The following NBEAL1 variants were observed in gnomAD, a reference collection of about 807,000 sequenced individuals.
NBEAL1 encodes the protein neurobeachin like 1.
Under a neutral mutation model 351.3 loss-of-function variants are expected in NBEAL1, and 273 were observed. The observed-to-expected ratio is 0.78, with a 90% CI of 0.70 to 0.86. NBEAL1 has a LOEUF of 0.86. Ranked by LOEUF, NBEAL1 falls within the 40% of genes least tolerant of loss-of-function variation. The pLI, the probability that NBEAL1 is intolerant of heterozygous loss-of-function variation, is 0.00. For missense variants in NBEAL1, 2,961 were observed against 3,201.3 expected (o/e 0.92, Z 1.81); for synonymous variants, 1,050 against 1,086.4 (o/e 0.97, Z 0.66).
intron 2 of NBEAL1, among the ~76,000 whole-genome samples, chr2:203,026,631 C>T (rs1376019306): frequency 6.6e-6 from 1 of 151,896 alleles, no homozygotes; most frequent in South Asian, 2.1e-4. Flanking sequence ...TCTCCTGCCT[C>T]AGCCTCTCAA....
rs77855827 is a variant in NBEAL1, at chr2:203,178,018, C to CA, written c.6465-2352dup. Among the ~76,000 whole-genome samples, 1,410 of 142,386 alleles carry CA rather than the reference C, an allele frequency of 9.9e-3. 9 individuals carry two copies. The highest frequency in any genetic ancestry group is 0.034 in the African/African-American group (1,286 of 38,222). The allele number at this position is 142,386 out of a possible 152,430, so 93.4% of individuals were successfully genotyped here. A position where few individuals can be genotyped will look rare whatever the true frequency, so the allele number is the denominator to read the frequency against. ...TGGGCGACAGAGCAATACTCCATCT[C>CA]AAAAAAAAAAAATAAAAAAGTTAAA... is the stretch of plus-strand genomic sequence containing the variant. On this transcript the variant is annotated intron_variant, in intron 42 of 55. Coordinates refer to ENST00000683969, the MANE Select transcript of NBEAL1 (RefSeq NM_001378026.1).
chr2:203,165,063 G>A (rs537768390), intron 36 of NBEAL1, among the ~76,000 whole-genome samples: 7 of 152,098 alleles, frequency 4.6e-5, no homozygotes, highest in African/African-American at 1.7e-4. Flanking sequence ...GTTTCTCCAC[G>A]TTGGTCAGGC....
At chr2:203,018,741 T>G (rs111945550) in intron 2 of NBEAL1, among the ~76,000 whole-genome samples, 3 of 152,168 alleles carry the variant, frequency 2.0e-5, no homozygotes, top group Non-Finnish European at 2.9e-5. Flanking sequence ...CAGCTCATGT[T>G]CAGTCACAGT....
intron 31 of NBEAL1, among the ~76,000 whole-genome samples, chr2:203,140,277 T>A (rs1356451919): frequency 1.4e-5 from 2 of 148,100 alleles, no homozygotes; most frequent in East Asian, 3.9e-4. Context: ...CACTCCAGCC[T>A]GGGCAACAAG....
chr2:203,058,391 G>T (rs551607988), intron 6 of NBEAL1, among the ~76,000 whole-genome samples: 1 of 152,274 alleles, frequency 6.6e-6, no homozygotes, highest in East Asian at 1.9e-4. Flanking sequence ...AAATATTAGA[G>T]AATTGACAAA....
Position 203,136,233 on chromosome 2 carries a change from C to T in NBEAL1, c.4370C>T (p.Ser1457Phe). ...TNDMGFSDDFSLLESQERCEE... is the reference protein window; with the variant it reads ...TNDMGFSDDFFLLESQERCEE... ...GATATGGGCTTTAGTGATGACTTCT[C>T]TTTACTTGAAAGCCAAGAGGTAAAA... Residue 1457 changes from serine (S) to phenylalanine (F), a missense_variant, in exon 28 of 56, where the codon TCT becomes TTT. Coordinates refer to ENST00000683969, the MANE Select transcript of NBEAL1 (RefSeq NM_001378026.1). 1 of 1,574,704 alleles carries T rather than the reference C, an allele frequency of 6.4e-7. No individual in the cohort carries two copies. Among genetic ancestry groups the T allele is most frequent in the East Asian group, 2.2e-5 (1 of 44,594 alleles).
Position 203,220,374 on chromosome 2 carries a change from C to T in NBEAL1, c.*3020C>T, listed in dbSNP as rs1295956436. 6.6e-6 allele frequency among the ~76,000 whole-genome samples: 1 copy of T among 151,986 alleles called. No individual in the cohort carries two copies. Among genetic ancestry groups the T allele is most frequent in the East Asian group, 1.9e-4 (1 of 5,178 alleles). ...TGGCAGGTGCCTGTAGTCCCAGCTA[C>T]TCAGGAGGCTGAGGCAGGAGAATCG... On this transcript the variant is annotated 3_prime_UTR_variant, in exon 56 of 56. Transcript: ENST00000683969.
chr2:203,190,212 A>G (rs552970581), intron 45 of NBEAL1, 80 bp from the exon 46 acceptor site: 2 of 781,858 alleles, frequency 2.6e-6, no homozygotes, highest in South Asian at 3.2e-5. Flanking sequence ...ACACACACCA[A>G]TGAGCCTGAT....
chr2:203,221,950 A>G lies in NBEAL1; in HGVS notation c.*4596A>G, dbSNP rs551372989. 5.3e-5 allele frequency among the ~76,000 whole-genome samples: 8 copies of G among 152,260 alleles called. No homozygotes were observed. The highest frequency in any genetic ancestry group is 1.0e-4 in the Non-Finnish European group (7 of 68,014). ...ATGCCTATAATCTCAGCACTTTAGG[A>G]GGCTGAGGCAGGAGGATCACTGGAG... is the stretch of plus-strand genomic sequence containing the variant. On this transcript the variant is annotated 3_prime_UTR_variant, in exon 56 of 56. Transcript: ENST00000683969.
At chr2:203,147,126 A>G (rs2063532931) in intron 33 of NBEAL1, among the ~76,000 whole-genome samples, 1 of 152,150 alleles carries the variant, frequency 6.6e-6, no homozygotes, top group Admixed American at 6.5e-5. Context: ...ATTCATTCTC[A>G]CCACTGTTAG....
At chr2:203,101,153 C>G (rs1346147515) in intron 12 of NBEAL1, among the ~76,000 whole-genome samples, 2 of 151,724 alleles carry the variant, frequency 1.3e-5, no homozygotes, top group Non-Finnish European at 3.0e-5. Context: ...ACATTTAAGT[C>G]TAATCCATCT....
intron 38 of NBEAL1, 99 bp from the exon 39 acceptor site, chr2:203,169,648 A>G: frequency 1.7e-6 from 1 of 604,800 alleles, no homozygotes; most frequent in East Asian, 3.1e-5. Context: ...TGTATACTTT[A>G]AAAGGGTGAA....
In NBEAL1 at chr2:203,213,555, C is replaced by T. The variant is rs537348209; in HGVS notation, c.7972C>T (p.Pro2658Ser). 7.7e-5 allele frequency: 124 copies of T among 1,613,926 alleles called. 1 individual carries two copies. The South Asian group carries it at 1.3e-3, about 16-fold the overall frequency. Residue 2658 changes from proline to serine, a missense_variant, in exon 55 of 56, where the codon CCT becomes TCT. Physicochemically the swap from Pro to Ser is moderately conservative, Grantham distance 74. Coordinates refer to ENST00000683969, the MANE Select transcript of NBEAL1 (RefSeq NM_001378026.1). ...CATCAACCCATTAGCCATGCGACTG[C>T]CTATCCATTGTGTTTGTGTCACCAA... ...LSINPLAMRLPIHCVCVTKEY... is the reference protein window; with the variant it reads ...LSINPLAMRLSIHCVCVTKEY...
intron 7 of NBEAL1, among the ~76,000 whole-genome samples, chr2:203,077,156 A>G (rs185735408): frequency 0.01 from 1,522 of 152,198 alleles, 5 homozygotes; most frequent in Non-Finnish European, 0.014. Flanking sequence ...TCATGCCTGT[A>G]ATCTCAGCAC....
rs183833716 is a variant in NBEAL1 at position 203,041,342 on chromosome 2, C to T, written c.52-423C>T. Among the ~76,000 whole-genome samples the T allele has an allele frequency of 1.9e-4, 29 of 152,136 alleles. No homozygotes were observed. The East Asian group carries it at 4.8e-3, about 25-fold the overall frequency. On this transcript the variant is annotated intron_variant, in intron 2 of 55. Transcript: ENST00000683969. Reference sequence around the variant, plus strand: ...GAAGAAAGGCACATAAATAAATGTTCAGTTGTCCAGAAAAAAAAGATGAGG... The same window carrying T: ...GAAGAAAGGCACATAAATAAATGTTTAGTTGTCCAGAAAAAAAAGATGAGG...
intron 4 of NBEAL1, among the ~76,000 whole-genome samples, chr2:203,050,476 A>G (rs1032371047): frequency 2.6e-5 from 4 of 152,174 alleles, no homozygotes; most frequent in African/African-American, 7.2e-5. Flanking sequence ...AAAGTCAATG[A>G]CAGTTTTTCT....
intron 6 of NBEAL1, among the ~76,000 whole-genome samples, chr2:203,065,461 A>G (rs1441626553): frequency 6.6e-6 from 1 of 152,110 alleles, no homozygotes; most frequent in Non-Finnish European, 1.5e-5. Context: ...TACAAAAAAG[A>G]AGCATGGTGG....
intron 6 of NBEAL1, among the ~76,000 whole-genome samples, chr2:203,066,552 G>A (rs571343527): frequency 1.8e-4 from 27 of 151,936 alleles, no homozygotes; most frequent in African/African-American, 5.5e-4. Context: ...CGACAAAACC[G>A]CCATCGTCAT....
intron 10 of NBEAL1, among the ~76,000 whole-genome samples, chr2:203,086,452 C>G (rs1039755720): frequency 1.3e-5 from 2 of 152,180 alleles, no homozygotes; most frequent in Non-Finnish European, 2.9e-5. Flanking sequence ...GTTCAGCTCT[C>G]TTGAGGAATT....
Sources: gnomAD v4.1 joint callset for allele counts (sites outside exome capture counted in the v4.1 genomes callset) on GRCh38, gnomAD v4.1.1 for gene constraint, MANE v1.5 for transcripts, NCBI Gene and HGNC (gene_info 2026-07-23, HGNC 2026-07-21) for gene names.